Variants in BHMT observed in about 807,000 individuals in gnomAD.
BHMT encodes the protein betaine--homocysteine S-methyltransferase.
BHMT carries 38 observed loss-of-function variants against 49.5 expected under a neutral mutation model. The ratio of observed to expected loss-of-function variants is 0.77; its 90% CI spans 0.59 to 1.01. The LOEUF (loss-of-function observed/expected upper bound fraction) is 1.01. Among genes scored for constraint, BHMT ranks in the 50% least tolerant of loss-of-function variants. The pLI is 0.00. For missense variants in BHMT, 426 were observed against 495.7 expected (o/e 0.86, Z 1.34); for synonymous variants, 166 against 176.3 (o/e 0.94, Z 0.46).
At chr5:79,113,377 C>T (rs890594634) in intron 1 of BHMT, among the ~76,000 whole-genome samples, 1 of 152,174 alleles carries the variant, frequency 6.6e-6, no homozygotes, top group African/African-American at 2.4e-5. Context: ...CTCAGAAAAT[C>T]TAACATTTTA....
intron 4 of BHMT, 158 bp from the exon 5 acceptor site, chr5:79,121,060 A>C: frequency 1.2e-6 from 1 of 818,242 alleles, no homozygotes. Flanking sequence ...CGGAGGCAGG[A>C]GAATTGCTTG....
intron 2 of BHMT, among the ~76,000 whole-genome samples, chr5:79,116,719 T>A (rs969004447): frequency 6.6e-6 from 1 of 152,228 alleles, no homozygotes; most frequent in Admixed American, 6.5e-5. Context: ...CATGTACATA[T>A]ATAATCATGT....
chr5:79,113,610 G>A (rs1345689848), intron 1 of BHMT, among the ~76,000 whole-genome samples: 1 of 152,112 alleles, frequency 6.6e-6, no homozygotes, highest in African/African-American at 2.4e-5. Context: ...GTTAAATTCT[G>A]GTGTATATTC....
Position 79,130,956 on chromosome 5 carries a change from A to G in BHMT, c.1061A>G (p.Asn354Ser), listed in dbSNP as rs749187024. 2 of 1,612,996 alleles carry G rather than the reference A, an allele frequency of 1.2e-6. No individual in the cohort carries two copies. Among genetic ancestry groups the G allele is most frequent in the Admixed American group, 3.3e-5 (2 of 59,838 alleles). Residue 354 changes from asparagine to serine, a missense_variant, in exon 8 of 8, where the codon AAT (asparagine) becomes AGT (serine). Physicochemically the swap from Asn to Ser is conservative, Grantham distance 46. Around this residue, in one of 3 missense-constraint regions of BHMT, gnomAD observed 73 missense variants for 68.3 expected, o/e 1.07. Transcript: ENST00000274353. The stretch of plus-strand genomic sequence containing the variant: ...AGGGCCAGGAAGGAATACTGGGAGA[A>G]TCTTCGGATAGCCTCAGGCCGGCCA... ...RARARKEYWE[N>S]LRIASGRPYN...
chr5:79,130,886 C>G, intron 7 of BHMT, 47 bp from the exon 8 acceptor site: 6 of 1,468,992 alleles, frequency 4.1e-6, no homozygotes, highest in Non-Finnish European at 5.4e-6. Flanking sequence ...AAGACCAAAG[C>G]TAGGGGAGGA....
At chr5:79,128,530 A>T (rs1002602243) in intron 7 of BHMT, among the ~76,000 whole-genome samples, 17 of 127,270 alleles carry the variant, frequency 1.3e-4, no homozygotes, top group African/African-American at 2.1e-4. Flanking sequence ...ACCCTGTTTT[A>T]AAAAAAAAAA....
At position 79,122,046 on chromosome 5, in the gene BHMT, A is replaced by G. The variant is rs111378672; in HGVS notation, c.625+681A>G. Among the ~76,000 whole-genome samples, 1,093 of 151,548 alleles carry G rather than the reference A, an allele frequency of 7.2e-3. 13 individuals are homozygous for G. Among genetic ancestry groups the G allele is most frequent in the African/African-American group, 0.025 (1,038 of 41,372 alleles). ...AATCTCCGCCTCCCAGGTTCAAGCGATTCTCCTGCCTCAGCCTCCCGAGTA... is the reference window on the plus strand; with the variant it reads ...AATCTCCGCCTCCCAGGTTCAAGCGGTTCTCCTGCCTCAGCCTCCCGAGTA... On this transcript the variant is annotated intron_variant, in intron 5 of 7. Coordinates refer to ENST00000274353, the MANE Select transcript of BHMT (RefSeq NM_001713.3).
chr5:79,115,987 G>T lies in BHMT; in HGVS notation c.166+88G>T, dbSNP rs1756381600. 5 of 1,420,566 alleles carry T rather than the reference G, an allele frequency of 3.5e-6. No individual in the cohort carries two copies. The Admixed American group carries it at 1.1e-4, about 32-fold the overall frequency. 88.0% of individuals were successfully genotyped at this position (1,420,566 alleles called of 1,614,324 possible). On this transcript the variant is annotated intron_variant, in intron 2 of 7. Transcript: ENST00000274353. ...AATCCCAGCAACTCAGGAGGCTGAGGTGGGAAGACCACTTGAGCCCAGGAG... is the reference window on the plus strand; with the variant it reads ...AATCCCAGCAACTCAGGAGGCTGAGTTGGGAAGACCACTTGAGCCCAGGAG...
At chr5:79,128,905 C>T (rs1293468541) in intron 7 of BHMT, among the ~76,000 whole-genome samples, 1 of 152,064 alleles carries the variant, frequency 6.6e-6, no homozygotes, top group Non-Finnish European at 1.5e-5. Context: ...AATACGAAAG[C>T]CAATGTATTA....
At chr5:79,120,850 T>C (rs995324932) in intron 4 of BHMT, among the ~76,000 whole-genome samples, 5 of 152,156 alleles carry the variant, frequency 3.3e-5, no homozygotes, top group Admixed American at 3.3e-4. Context: ...ATAGAATACA[T>C]TTTCAAATTG....
At chr5:79,118,776 T>C (rs1368601816) in intron 2 of BHMT, among the ~76,000 whole-genome samples, 1 of 152,306 alleles carries the variant, frequency 6.6e-6, no homozygotes, top group East Asian at 1.9e-4. Flanking sequence ...GGCAGTAGCA[T>C]TGAATTCTTC....
At chr5:79,126,506 T>C (rs895234808) in intron 6 of BHMT, among the ~76,000 whole-genome samples, 5 of 152,166 alleles carry the variant, frequency 3.3e-5, no homozygotes, top group African/African-American at 1.2e-4. Flanking sequence ...AGTCATACTT[T>C]GGGGTTGGTG....
At chr5:79,115,303 G>GA (rs879528470) in intron 1 of BHMT, among the ~76,000 whole-genome samples, 5,120 of 126,106 alleles carry the variant, frequency 0.041, 133 homozygotes, top group African/African-American at 0.085. Context: ...CTGTCTCTAA[G>GA]AAAAAAAAAA....
intron 7 of BHMT, among the ~76,000 whole-genome samples, chr5:79,130,639 T>C (rs1346069772): frequency 6.6e-6 from 1 of 150,552 alleles, no homozygotes; most frequent in African/African-American, 2.5e-5. Context: ...ACTGTGTTAA[T>C]GGTATGTCAT....
chr5:79,112,510 C>T (rs1441828394), intron 1 of BHMT, among the ~76,000 whole-genome samples: 1 of 152,228 alleles, frequency 6.6e-6, no homozygotes, highest in Non-Finnish European at 1.5e-5. Flanking sequence ...GGGGCCGCCT[C>T]CCCGCCGGGT....
At chr5:79,113,560 T>C (rs1192767586) in intron 1 of BHMT, among the ~76,000 whole-genome samples, 3 of 152,236 alleles carry the variant, frequency 2.0e-5, no homozygotes, top group Non-Finnish European at 2.9e-5. Context: ...TTGCACATGT[T>C]CATTATAAAC....
chr5:79,119,590 G>A (rs1444665694), intron 3 of BHMT: 16 of 410,248 alleles, frequency 3.9e-5, no homozygotes, highest in Non-Finnish European at 5.6e-5. Flanking sequence ...TGAAGAAGAG[G>A]TATTTAATGA....
intron 7 of BHMT, chr5:79,128,331 G>A (rs478667): frequency 0.63 from 106,740 of 169,356 alleles, 34,535 homozygotes; most frequent in Admixed American, 0.76. Flanking sequence ...GACCAGCATG[G>A]GCAAGATGGC....
intron 7 of BHMT, 44 bp from the exon 8 acceptor site, chr5:79,130,888 AG>A: frequency 6.8e-7 from 1 of 1,479,510 alleles, no homozygotes; most frequent in South Asian, 1.5e-5. Context: ...GACCAAAGCT[AG>A]GGGAGGAGTC....
Sources: allele counts gnomAD v4.1 joint callset (sites outside exome capture counted in the v4.1 genomes callset), GRCh38; gene constraint gnomAD v4.1.1; regional missense constraint gnomAD v4.1.1; transcripts MANE v1.5; gene names NCBI Gene and HGNC (gene_info 2026-07-23, HGNC 2026-07-21).